Variants in SNX29 observed in about 807,000 individuals in gnomAD.
The protein encoded by SNX29 is sorting nexin-29.
SNX29 carries 78 observed loss-of-function variants against 102.1 expected under a neutral mutation model. That is an observed-to-expected ratio of 0.76 (90% CI 0.64 to 0.92). The LOEUF is 0.92. SNX29 is among the 40% of genes least tolerant of loss of function. The pLI, the probability that SNX29 is intolerant of heterozygous loss-of-function variation, is 0.00. For missense variants in SNX29, 1,280 were observed against 1,061.7 expected (o/e 1.21, Z -2.86); for synonymous variants, 580 against 414.5 (o/e 1.40, Z -4.85).
intron 8 of SNX29, among the ~76,000 whole-genome samples, chr16:12,058,333 T>C (rs1158126627): frequency 1.3e-5 from 2 of 152,090 alleles, no homozygotes; most frequent in Non-Finnish European, 2.9e-5. Flanking sequence ...AAATAACGTG[T>C]GTTAATTGTC....
intron 19 of SNX29, among the ~76,000 whole-genome samples, chr16:12,480,660 C>G (rs545711911): frequency 5.4e-4 from 83 of 152,302 alleles, no homozygotes; most frequent in South Asian, 2.3e-3. Flanking sequence ...TCAAACAACT[C>G]CCTTCCCACC....
At chr16:12,279,138 A>G (rs1484223506) in intron 15 of SNX29, among the ~76,000 whole-genome samples, 4 of 152,228 alleles carry the variant, frequency 2.6e-5, no homozygotes, top group African/African-American at 9.7e-5. Flanking sequence ...ACACATGCTA[A>G]GTATACAAGC....
At chr16:12,347,342 C>T (rs188345691) in intron 15 of SNX29, among the ~76,000 whole-genome samples, 131 of 152,206 alleles carry the variant, frequency 8.6e-4, no homozygotes, top group African/African-American at 3.1e-3. Flanking sequence ...CCTGGCTCAT[C>T]AGGGCAAGCC....
chr16:12,556,126 T>C (rs2078330877), intron 20 of SNX29, among the ~76,000 whole-genome samples: 1 of 152,224 alleles, frequency 6.6e-6, no homozygotes, highest in East Asian at 1.9e-4. Context: ...ACTCTTATGT[T>C]CTCAAAGTGA....
intron 11 of SNX29, among the ~76,000 whole-genome samples, chr16:12,103,031 C>T (rs2053086357): frequency 1.3e-5 from 2 of 152,192 alleles, no homozygotes; most frequent in African/African-American, 4.8e-5. Flanking sequence ...GAACTACAAA[C>T]CACTGCTCAA....
chr16:12,362,553 T>TCCCCCCCCCCCCCCCC (rs1199911670), intron 16 of SNX29, among the ~76,000 whole-genome samples: 3 of 11,052 alleles, frequency 2.7e-4, no homozygotes, highest in African/African-American at 9.0e-4. Flanking sequence ...GCTGCTGCAC[T>TCCCCCCCCCCCCCCCC]CCCCCCCCAC....
chr16:12,558,789 A>C (rs1381565367), intron 20 of SNX29, among the ~76,000 whole-genome samples: 1 of 152,190 alleles, frequency 6.6e-6, no homozygotes, highest in African/African-American at 2.4e-5. Flanking sequence ...AACCTGAAGC[A>C]GTTTATCTGC....
chr16:12,216,723 C>T (rs551348547), intron 14 of SNX29, among the ~76,000 whole-genome samples: 1 of 150,972 alleles, frequency 6.6e-6, no homozygotes, highest in Non-Finnish European at 1.5e-5. Context: ...CCACCCCACC[C>T]ACCCCTACAT....
At chr16:12,353,947 TG>T (rs1420540805) in intron 15 of SNX29, among the ~76,000 whole-genome samples, 1 of 152,206 alleles carries the variant, frequency 6.6e-6, no homozygotes, top group African/African-American at 2.4e-5. Flanking sequence ...CTATTTTCTG[TG>T]GGTGTTGAAA....
At chr16:12,555,670 A>T (rs964672915) in intron 20 of SNX29, among the ~76,000 whole-genome samples, 1 of 151,950 alleles carries the variant, frequency 6.6e-6, no homozygotes, top group Non-Finnish European at 1.5e-5. Flanking sequence ...CTCCTGCACG[A>T]AGTCTGAGAA....
intron 19 of SNX29, among the ~76,000 whole-genome samples, chr16:12,504,131 T>G (rs563167866): frequency 1.3e-5 from 2 of 152,174 alleles, no homozygotes; most frequent in South Asian, 4.1e-4. Flanking sequence ...GTTCTGAACA[T>G]TTCCTATCGA....
At chr16:12,094,196 C>T (rs2052676322) in intron 11 of SNX29, among the ~76,000 whole-genome samples, 1 of 152,078 alleles carries the variant, frequency 6.6e-6, no homozygotes, top group Admixed American at 6.5e-5. Flanking sequence ...ATGGAAGATA[C>T]TCAGAAGATA....
At chr16:12,041,492 C>T (rs1212524806) in intron 4 of SNX29, among the ~76,000 whole-genome samples, 2 of 152,226 alleles carry the variant, frequency 1.3e-5, no homozygotes, top group Admixed American at 1.3e-4. Context: ...TATTCTCCCA[C>T]AGTTCTGGAG....
At chr16:12,488,174 C>G (rs768846287) in intron 19 of SNX29, among the ~76,000 whole-genome samples, 90 of 152,026 alleles carry the variant, frequency 5.9e-4, no homozygotes, top group Non-Finnish European at 1.0e-3. Context: ...ACAAAAGAAT[C>G]CAGAGCCAGC....
intron 15 of SNX29, among the ~76,000 whole-genome samples, chr16:12,345,756 A>G (rs1427598471): frequency 1.3e-5 from 2 of 152,188 alleles, no homozygotes; most frequent in Admixed American, 1.3e-4. Context: ...GTGCAGCCGT[A>G]TTCTCGTTCC....
intron 11 of SNX29, among the ~76,000 whole-genome samples, chr16:12,117,290 G>A (rs1258742919): frequency 6.8e-6 from 1 of 146,638 alleles, no homozygotes; most frequent in Non-Finnish European, 1.5e-5. Flanking sequence ...CAACGCGGAC[G>A]AACCGTGGAA....
At chr16:12,489,302 C>T (rs2088416742) in intron 19 of SNX29, among the ~76,000 whole-genome samples, 1 of 151,444 alleles carries the variant, frequency 6.6e-6, no homozygotes, top group African/African-American at 2.4e-5. Flanking sequence ...AAAAAAAATT[C>T]AGCCTCTCAA....
At chr16:12,013,084 A>T (rs796538261) in intron 3 of SNX29, among the ~76,000 whole-genome samples, 8 of 151,516 alleles carry the variant, frequency 5.3e-5, no homozygotes, top group African/African-American at 1.9e-4. Flanking sequence ...TGAAGCAGGG[A>T]CTGGGGAAGA....
In SNX29 at chr16:12,569,771, TCA is replaced by T. The variant is rs764364604; in HGVS notation, c.*1145_*1146del. 3 of 230,246 alleles carry T rather than the reference TCA, an allele frequency of 1.3e-5. No individual in the cohort carries two copies. Among genetic ancestry groups the T allele is most frequent in the South Asian group, 1.8e-4 (1 of 5,508 alleles). The allele number at this position is 230,246 out of a possible 1,614,324, so 14.3% of individuals were successfully genotyped here. On this transcript the variant is annotated 3_prime_UTR_variant, in exon 21 of 21. Transcript: ENST00000566228. ...TCCAGTGAGCTCACATCAGAGCACC[TCA>T]CAGAGCAATAGCCGTCCTCAGATGC... is the stretch of plus-strand genomic sequence containing the variant.
Sources: allele counts gnomAD v4.1 joint callset (sites outside exome capture counted in the v4.1 genomes callset), GRCh38; gene constraint gnomAD v4.1.1; transcripts MANE v1.5; gene names NCBI Gene and HGNC (gene_info 2026-07-23, HGNC 2026-07-21).